The following PDZRN4 variants were observed in gnomAD, a reference collection of about 807,000 sequenced individuals.
PDZRN4 encodes PDZ domain-containing RING finger protein 4.
Under a neutral mutation model 99.0 loss-of-function variants are expected in PDZRN4, and 70 were observed. The observed-to-expected ratio is 0.71, with a 90% CI of 0.58 to 0.86. PDZRN4 has a LOEUF of 0.86. Ranked by LOEUF, PDZRN4 falls within the 40% of genes least tolerant of loss-of-function variation. The pLI is 0.00. For synonymous variants in PDZRN4, 551 were observed against 501.6 expected, an observed-to-expected ratio of 1.10 and a Z score of -1.32; for missense variants, 1,474 against 1,331.2, an observed-to-expected ratio of 1.11 and a Z score of -1.67.
intron 3 of PDZRN4, among the ~76,000 whole-genome samples, chr12:41,302,935 TACACACACACACAC>T (rs71846165): frequency 7.9e-6 from 1 of 127,116 alleles, no homozygotes; most frequent in Non-Finnish European, 1.8e-5. Context: ...ATATATAAAA[TACACACACACACAC>T]ACACACACAC....
intron 5 of PDZRN4, among the ~76,000 whole-genome samples, chr12:41,543,388 A>T (rs1347016897): frequency 2.0e-5 from 3 of 152,118 alleles, no homozygotes; most frequent in Admixed American, 2.0e-4. Flanking sequence ...TCTGATGAGT[A>T]GTTGCTGAGT....
chr12:41,300,620 G>A (rs532333891), intron 3 of PDZRN4, among the ~76,000 whole-genome samples: 5 of 151,368 alleles, frequency 3.3e-5, no homozygotes, highest in East Asian at 1.9e-4. Context: ...ATACTCATTC[G>A]GCCTCAGGAT....
chr12:41,545,442 C>G (rs907972666), intron 5 of PDZRN4, among the ~76,000 whole-genome samples: 1 of 151,880 alleles, frequency 6.6e-6, no homozygotes, highest in Non-Finnish European at 1.5e-5. Flanking sequence ...TCCAGTAGCC[C>G]CCAACCTAGA....
chr12:41,508,036 A>G (rs1938238211), intron 4 of PDZRN4, among the ~76,000 whole-genome samples: 1 of 152,184 alleles, frequency 6.6e-6, no homozygotes, highest in African/African-American at 2.4e-5. Flanking sequence ...TGTATTAGCT[A>G]ACTTAACATG....
intron 3 of PDZRN4, among the ~76,000 whole-genome samples, chr12:41,363,458 G>A (rs1951976588): frequency 6.6e-6 from 1 of 152,126 alleles, no homozygotes; most frequent in Admixed American, 6.6e-5. Context: ...TGTTCAGGAT[G>A]CATTTATTCA....
rs534117143 is a variant in PDZRN4, at chr12:41,219,422, A to C, written c.843+25234A>C. 4.6e-5 allele frequency among the ~76,000 whole-genome samples: 7 copies of C among 152,254 alleles called. No individual in the cohort carries two copies. The East Asian group carries it at 1.2e-3, about 25-fold the overall frequency. On this transcript the variant is annotated intron_variant, in intron 3 of 9. Coordinates refer to ENST00000402685, the MANE Select transcript of PDZRN4 (RefSeq NM_001164595.2). ...ATTATCTTTTTGTAAATATTTTATT[A>C]TTAAAAATGGAGATGAAGGAGAAAG...
chr12:41,445,275 A>G (rs904806616), intron 3 of PDZRN4, among the ~76,000 whole-genome samples: 3 of 152,110 alleles, frequency 2.0e-5, no homozygotes, highest in African/African-American at 7.2e-5. Context: ...TTAGAAAATT[A>G]TTTAATTTCA....
At chr12:41,360,047 C>T (rs1951953975) in intron 3 of PDZRN4, among the ~76,000 whole-genome samples, 1 of 151,980 alleles carries the variant, frequency 6.6e-6, no homozygotes, top group South Asian at 2.1e-4. Context: ...AAGCATCATC[C>T]AATGTGACAA....
intron 3 of PDZRN4, among the ~76,000 whole-genome samples, chr12:41,261,700 A>G (rs1414263720): frequency 1.3e-5 from 2 of 152,170 alleles, no homozygotes; most frequent in Non-Finnish European, 2.9e-5. Flanking sequence ...CGTGTTAGCC[A>G]GGATGGTCTC....
At chr12:41,476,607 G>A (rs1293736108) in intron 3 of PDZRN4, among the ~76,000 whole-genome samples, 1 of 152,130 alleles carries the variant, frequency 6.6e-6, no homozygotes, top group Non-Finnish European at 1.5e-5. Flanking sequence ...GAAACCTTTG[G>A]TCTACTCTAA....
intron 4 of PDZRN4, among the ~76,000 whole-genome samples, chr12:41,507,078 A>G (rs1022147332): frequency 1.3e-5 from 2 of 152,050 alleles, no homozygotes; most frequent in African/African-American, 4.8e-5. Context: ...ATTAAGACTC[A>G]TGTGGAAGTG....
At chr12:41,423,001 C>T (rs17637892) in intron 3 of PDZRN4, among the ~76,000 whole-genome samples, 25,271 of 151,982 alleles carry the variant, frequency 0.17, 2,212 homozygotes, top group South Asian at 0.27. Context: ...TGGCTCTTAC[C>T]TTCTGATATG....
chr12:41,518,676 G>A (rs989466476), intron 5 of PDZRN4, among the ~76,000 whole-genome samples: 9 of 152,104 alleles, frequency 5.9e-5, no homozygotes, highest in East Asian at 1.9e-4. Context: ...TTAAGTGGGC[G>A]TATTTCCTTT....
At chr12:41,212,493 T>A (rs1950894977) in intron 3 of PDZRN4, among the ~76,000 whole-genome samples, 1 of 152,038 alleles carries the variant, frequency 6.6e-6, no homozygotes, top group South Asian at 2.1e-4. Flanking sequence ...TGTCTGGAAT[T>A]AAATTGATAA....
chr12:41,410,755 G>T (rs903840639), intron 3 of PDZRN4, among the ~76,000 whole-genome samples: 16 of 152,152 alleles, frequency 1.1e-4, no homozygotes, highest in African/African-American at 3.6e-4. Context: ...AAGGGCTGTT[G>T]TCAGGATGAA....
intron 3 of PDZRN4, among the ~76,000 whole-genome samples, chr12:41,453,166 G>C (rs977995853): frequency 5.9e-5 from 9 of 152,158 alleles, no homozygotes; most frequent in African/African-American, 2.2e-4. Context: ...TCAGTTTCCA[G>C]AGTAGGAAGA....
chr12:41,427,906 G>A (rs1952550923), intron 3 of PDZRN4, among the ~76,000 whole-genome samples: 1 of 152,072 alleles, frequency 6.6e-6, no homozygotes. Flanking sequence ...TGGTCAACAT[G>A]GTGAAACCCT....
At chr12:41,212,192 T>C (rs910964420) in intron 3 of PDZRN4, among the ~76,000 whole-genome samples, 9 of 152,040 alleles carry the variant, frequency 5.9e-5, no homozygotes, top group Non-Finnish European at 1.2e-4. Flanking sequence ...AACCTTCATA[T>C]GGATATTTAA....
At chr12:41,489,904 T>TATCA (rs1435467596) in intron 3 of PDZRN4, among the ~76,000 whole-genome samples, 1 of 152,298 alleles carries the variant, frequency 6.6e-6, no homozygotes, top group South Asian at 2.1e-4. Context: ...GGCTTCTTGT[T>TATCA]ATCATTGACT....
Sources: allele counts gnomAD v4.1 joint callset (sites outside exome capture counted in the v4.1 genomes callset), GRCh38; gene constraint gnomAD v4.1.1; transcripts MANE v1.5; gene names NCBI Gene and HGNC (gene_info 2026-07-23, HGNC 2026-07-21).